Variants in ZNF385B observed in about 807,000 individuals in gnomAD.
ZNF385B encodes zinc finger protein 533.
In ZNF385B, 23 loss-of-function variants were observed where a neutral mutation model predicts 39.2. The ratio of observed to expected loss-of-function variants is 0.59; its 90% CI spans 0.42 to 0.83. ZNF385B has a LOEUF of 0.83. Among genes scored for constraint, ZNF385B ranks in the 40% least tolerant of loss-of-function variants. The pLI is 0.00. For synonymous variants in ZNF385B, 205 were observed against 222.6 expected (o/e 0.92, Z 0.70); for missense variants, 552 against 598.9 (o/e 0.92, Z 0.82).
At chr2:179,486,195 C>G (rs922401475) in intron 5 of ZNF385B, among the ~76,000 whole-genome samples, 3 of 152,042 alleles carry the variant, frequency 2.0e-5, no homozygotes, top group Non-Finnish European at 4.4e-5. Flanking sequence ...ATTAATATTA[C>G]TGAGCTTACT....
Position 179,784,399 on chromosome 2 carries a change from T to A in ZNF385B, c.-154-13727A>T, listed in dbSNP as rs536273497. On this transcript the variant is annotated intron_variant, in intron 1 of 9. Coordinates refer to ENST00000410066, the MANE Select transcript of ZNF385B (RefSeq NM_152520.6). ...TTAATACATGAGTGGTGAAATAATCTGTACAACAAACCCTTGTTCATGTGT... is the reference window on the plus strand; with the variant it reads ...TTAATACATGAGTGGTGAAATAATCAGTACAACAAACCCTTGTTCATGTGT... 3.3e-5 allele frequency among the ~76,000 whole-genome samples: 5 copies of A among 152,144 alleles called. No individual in the cohort carries two copies. In the East Asian group the frequency reaches 9.7e-4, roughly 29 times the overall value.
intron 3 of ZNF385B, among the ~76,000 whole-genome samples, chr2:179,760,760 CAT>C (rs1036722717): frequency 6.6e-6 from 1 of 152,156 alleles, no homozygotes; most frequent in African/African-American, 2.4e-5. Flanking sequence ...GAAGAAAAGA[CAT>C]AGACACACAG....
At position 179,733,372 on chromosome 2, in the gene ZNF385B, G is replaced by A. The variant is rs562899718; in HGVS notation, c.298+36131C>T. 2.6e-5 allele frequency among the ~76,000 whole-genome samples: 4 copies of A among 152,302 alleles called. No homozygotes were observed. In the South Asian group the frequency reaches 8.3e-4, roughly 32 times the overall value. Reference sequence around the variant, plus strand: ...TCTAGCAACTCTACAAGCTTTTTCTGTGATAACTTTTGATCACATCACATT... The same window carrying A: ...TCTAGCAACTCTACAAGCTTTTTCTATGATAACTTTTGATCACATCACATT... On this transcript the variant is annotated intron_variant, in intron 3 of 9. Coordinates refer to ENST00000410066, the MANE Select transcript of ZNF385B (RefSeq NM_152520.6).
At chr2:179,542,876 G>C (rs1034280162) in intron 4 of ZNF385B, among the ~76,000 whole-genome samples, 16 of 152,196 alleles carry the variant, frequency 1.1e-4, no homozygotes, top group African/African-American at 3.4e-4. Context: ...GTAAAAGTAT[G>C]TGCAGGGGTA....
At chr2:179,707,036 G>T (rs1559113183) in intron 3 of ZNF385B, among the ~76,000 whole-genome samples, 1 of 152,126 alleles carries the variant, frequency 6.6e-6, no homozygotes, top group Non-Finnish European at 1.5e-5. Flanking sequence ...AAAAGAGAGG[G>T]GTGAGATGAG....
At chr2:179,572,198 C>T (rs565984386) in intron 3 of ZNF385B, among the ~76,000 whole-genome samples, 18 of 152,120 alleles carry the variant, frequency 1.2e-4, no homozygotes, top group African/African-American at 4.3e-4. Flanking sequence ...AATACCTGGC[C>T]TTCTCAGATA....
At chr2:179,479,582 G>A (rs559107615) in intron 6 of ZNF385B, among the ~76,000 whole-genome samples, 1 of 152,148 alleles carries the variant, frequency 6.6e-6, no homozygotes, top group African/African-American at 2.4e-5. Flanking sequence ...GCACATACCT[G>A]TAATCCCAGC....
chr2:179,624,911 T>C (rs1690523251), intron 3 of ZNF385B, among the ~76,000 whole-genome samples: 2 of 152,174 alleles, frequency 1.3e-5, no homozygotes, highest in African/African-American at 4.8e-5. Context: ...TTCCGTTAAA[T>C]TCTGGTTGTG....
intron 3 of ZNF385B, among the ~76,000 whole-genome samples, chr2:179,678,316 A>G (rs946864092): frequency 1.3e-5 from 2 of 152,206 alleles, no homozygotes; most frequent in Non-Finnish European, 2.9e-5. Flanking sequence ...ATAGATCACT[A>G]ATCTTTAGTT....
intron 3 of ZNF385B, among the ~76,000 whole-genome samples, chr2:179,597,344 AAGGTAC>A (rs1180342835): frequency 1.3e-5 from 2 of 152,172 alleles, no homozygotes; most frequent in African/African-American, 4.8e-5. Flanking sequence ...TTTGTCTTAA[AAGGTAC>A]AGCAACACTT....
chr2:179,826,119 A>T (rs1170623710), intron 1 of ZNF385B, among the ~76,000 whole-genome samples: 4 of 152,230 alleles, frequency 2.6e-5, no homozygotes, highest in Admixed American at 2.6e-4. Context: ...TTACCAAATT[A>T]TGAAAAACAG....
Position 179,735,911 on chromosome 2 carries a change from T to C in ZNF385B, c.298+33592A>G, listed in dbSNP as rs575956524. ...GTGGGGGGAGGGGGGAGGGATAGCATTGGGAGATATACCTAATGCTAGATG... is the reference window on the plus strand; with the variant it reads ...GTGGGGGGAGGGGGGAGGGATAGCACTGGGAGATATACCTAATGCTAGATG... On this transcript the variant is annotated intron_variant, in intron 3 of 9. Coordinates refer to ENST00000410066, the MANE Select transcript of ZNF385B (RefSeq NM_152520.6). 3.4e-3 allele frequency among the ~76,000 whole-genome samples: 497 copies of C among 144,106 alleles called. 1 individual carries two copies. Among genetic ancestry groups the C allele is most frequent in the South Asian group, 8.5e-3 (35 of 4,140 alleles). 94.5% of individuals were successfully genotyped at this position (144,106 alleles called of 152,430 possible). A position where few individuals can be genotyped will look rare whatever the true frequency, so the allele number is the denominator to read the frequency against.
intron 3 of ZNF385B, among the ~76,000 whole-genome samples, chr2:179,694,251 T>G (rs765724069): frequency 1.7e-4 from 26 of 152,024 alleles, no homozygotes; most frequent in Non-Finnish European, 3.5e-4. Context: ...ATTCATTCAG[T>G]GGAGTTATAC....
chr2:179,841,697 T>C (rs1708540953), intron 1 of ZNF385B, among the ~76,000 whole-genome samples: 1 of 152,156 alleles, frequency 6.6e-6, no homozygotes, highest in South Asian at 2.1e-4. Flanking sequence ...CATTACCAAA[T>C]GTCTCCTGGG....
chr2:179,849,577 G>A (rs1708975483), intron 1 of ZNF385B, among the ~76,000 whole-genome samples: 1 of 152,218 alleles, frequency 6.6e-6, no homozygotes, highest in Admixed American at 6.5e-5. Context: ...TGGGAAGGTA[G>A]GGTCCAGAAG....
chr2:179,617,918 G>A (rs1021799718), intron 3 of ZNF385B, among the ~76,000 whole-genome samples: 6 of 151,962 alleles, frequency 3.9e-5, no homozygotes, highest in African/African-American at 1.5e-4. Flanking sequence ...CCCTAAATAG[G>A]GAGGAAAGTT....
chr2:179,778,240 T>C (rs1704457570), intron 1 of ZNF385B, among the ~76,000 whole-genome samples: 1 of 152,212 alleles, frequency 6.6e-6, no homozygotes, highest in African/African-American at 2.4e-5. Context: ...GGCACTGCTG[T>C]GCAGCATGAA....
chr2:179,483,290 T>C lies in ZNF385B; in HGVS notation c.697A>G (p.Asn233Asp). The C allele has an allele frequency of 6.2e-7, 1 of 1,613,968 alleles. No individual in the cohort carries two copies. The highest frequency in any genetic ancestry group is 8.5e-7 in the Non-Finnish European group (1 of 1,179,922). Residue 233 changes from asparagine (N) to aspartate (D), a missense_variant, in exon 6 of 10, where the codon AAC (asparagine) becomes GAC (aspartate). Asn to Asp is a conservative substitution (Grantham distance 23). Transcript: ENST00000410066. Reference protein sequence around the residue: ...PSCSITPITGNNSDKSEDKGK... With the variant: ...PSCSITPITGDNSDKSEDKGK... ...CATTGACCTGATTTGTCAGAGTTGTTGCCTGTGATTGGAGTGATGGAGCAG... is the reference window on the plus strand; with the variant it reads ...CATTGACCTGATTTGTCAGAGTTGTCGCCTGTGATTGGAGTGATGGAGCAG...
intron 3 of ZNF385B, among the ~76,000 whole-genome samples, chr2:179,660,791 G>A (rs1482558058): frequency 1.3e-5 from 2 of 152,080 alleles, no homozygotes. Context: ...ATTTGTCTGG[G>A]CCCAAAAGAA....
Sources: gnomAD v4.1 joint callset for allele counts (sites outside exome capture counted in the v4.1 genomes callset) on GRCh38, gnomAD v4.1.1 for gene constraint, MANE v1.5 for transcripts, NCBI Gene and HGNC (gene_info 2026-07-23, HGNC 2026-07-21) for gene names.